The following GABRA6 variants were observed in gnomAD, a reference collection of about 807,000 sequenced individuals.
GABRA6 encodes gamma-aminobutyric acid receptor subunit alpha-6.
A neutral mutation model predicts 47.3 loss-of-function variants in GABRA6; 45 were observed. That is an observed-to-expected ratio of 0.95 (90% confidence interval 0.75 to 1.22). GABRA6 has a LOEUF of 1.22. Among genes scored for constraint, GABRA6 ranks in the 50% most tolerant of loss-of-function variants. GABRA6 has a pLI of 0.00. For missense variants in GABRA6, 583 were observed against 549.3 expected, an observed-to-expected ratio of 1.06 and a Z score of -0.61; for synonymous variants, 219 against 194.7, an observed-to-expected ratio of 1.12 and a Z score of -1.04.
At chr5:161,687,964 A>T (rs1347507936) in intron 3 of GABRA6, among the ~76,000 whole-genome samples, 1 of 152,164 alleles carries the variant, frequency 6.6e-6, no homozygotes, top group African/African-American at 2.4e-5. Flanking sequence ...AATATTCAGA[A>T]TCCTGAATTA....
chr5:161,690,175 A>G (rs1035170058), intron 6 of GABRA6, 26 bp from the exon 7 acceptor site: 1 of 1,607,634 alleles, frequency 6.2e-7, no homozygotes, highest in East Asian at 2.2e-5. Flanking sequence ...AGCAGTAATA[A>G]TACTGATGTA....
intron 8 of GABRA6, among the ~76,000 whole-genome samples, chr5:161,699,252 G>A (rs1295504187): frequency 6.6e-6 from 1 of 152,122 alleles, no homozygotes; most frequent in African/African-American, 2.4e-5. Context: ...CTGAAGGCTG[G>A]CTTCTTTCTA....
chr5:161,700,698 T>C lies in GABRA6; in HGVS notation c.1087-800T>C, dbSNP rs79382082. 2.1e-3 allele frequency among the ~76,000 whole-genome samples: 324 copies of C among 152,312 alleles called. 5 individuals are homozygous for C. In the East Asian group the frequency reaches 0.046, roughly 21 times the overall value. ...TTCAAGACTATAGTTGATTGTGTCATGATTTCAGTGAGACAGGAGGTTTAG... is the reference window on the plus strand; with the variant it reads ...TTCAAGACTATAGTTGATTGTGTCACGATTTCAGTGAGACAGGAGGTTTAG... On this transcript the variant is annotated intron_variant, in intron 8 of 8. Transcript: ENST00000274545.
chr5:161,688,261 A>G (rs1754732422), intron 3 of GABRA6, among the ~76,000 whole-genome samples: 1 of 152,172 alleles, frequency 6.6e-6, no homozygotes, highest in African/African-American at 2.4e-5. Flanking sequence ...CAATACTTTG[A>G]TATAATTACA....
chr5:161,690,408 G>A, intron 7 of GABRA6, 55 bp downstream of exon 7: 1 of 1,548,328 alleles, frequency 6.5e-7, no homozygotes. Context: ...TTCATTGCTT[G>A]TGTATTTTGA....
chr5:161,692,876 C>T (rs1444959280), intron 8 of GABRA6, among the ~76,000 whole-genome samples: 1 of 152,112 alleles, frequency 6.6e-6, no homozygotes, highest in African/African-American at 2.4e-5. Flanking sequence ...CAAATGGTAA[C>T]ATTAATATTT....
At chr5:161,696,914 T>G (rs1288800054) in intron 8 of GABRA6, among the ~76,000 whole-genome samples, 3 of 152,190 alleles carry the variant, frequency 2.0e-5, no homozygotes, top group Non-Finnish European at 4.4e-5. Flanking sequence ...ATCCCTTCAG[T>G]AAGGCAGCCC....
chr5:161,694,870 C>T (rs1399457690), intron 8 of GABRA6, among the ~76,000 whole-genome samples: 2 of 152,100 alleles, frequency 1.3e-5, no homozygotes, highest in African/African-American at 2.4e-5. Context: ...TACATTTGTT[C>T]GTGTCAAACC....
Position 161,701,846 on chromosome 5 carries a change from T to C in GABRA6, c.*73T>C. On this transcript the variant is annotated 3_prime_UTR_variant, in exon 9 of 9. Coordinates refer to ENST00000274545, the MANE Select transcript of GABRA6 (RefSeq NM_000811.3). The stretch of plus-strand genomic sequence containing the variant: ...CCTATGTTTTCTTAAAAAATAGCAT[T>C]GAGACTTGTGTAGATGCTTCTCAGA... The C allele has an allele frequency of 6.8e-7, 1 of 1,468,368 alleles. No homozygotes were observed. The highest frequency in any genetic ancestry group is 9.5e-7 in the Non-Finnish European group (1 of 1,050,922). 91.0% of individuals were successfully genotyped at this position (1,468,368 alleles called of 1,614,324 possible). A position where few individuals can be genotyped will look rare whatever the true frequency, so the allele number is the denominator to read the frequency against.
chr5:161,699,557 CT>C (rs35617127), intron 8 of GABRA6, among the ~76,000 whole-genome samples: 129 of 129,020 alleles, frequency 1.0e-3, no homozygotes, highest in African/African-American at 1.7e-3. Flanking sequence ...CAGCTGTCAT[CT>C]TTTTTTTTTT....
chr5:161,701,603 C>A lies in GABRA6; in HGVS notation c.1192C>A (p.Gln398Lys). ...NKVLTRAPILQSTPVTPPPLS... is the reference protein window; with the variant it reads ...NKVLTRAPILKSTPVTPPPLS... The stretch of plus-strand genomic sequence containing the variant: ...AGTGCTCACGAGAGCGCCCATCTTA[C>A]AATCAACACCTGTCACACCCCCACC... Residue 398 changes from glutamine (Q) to lysine (K), a missense_variant, in exon 9 of 9, where the codon CAA (glutamine) becomes AAA (lysine). By Grantham distance (53) the Gln-to-Lys change is moderately conservative. Coordinates refer to ENST00000274545, the MANE Select transcript of GABRA6 (RefSeq NM_000811.3). 1 of 1,614,134 alleles carries A rather than the reference C, an allele frequency of 6.2e-7. No homozygotes were observed.
chr5:161,695,555 T>C (rs1754872476), intron 8 of GABRA6, among the ~76,000 whole-genome samples: 1 of 152,098 alleles, frequency 6.6e-6, no homozygotes, highest in Non-Finnish European at 1.5e-5. Flanking sequence ...ACTTTGGTCC[T>C]TGATTTGTTT....
chr5:161,695,688 T>C (rs1335833978), intron 8 of GABRA6, among the ~76,000 whole-genome samples: 1 of 152,208 alleles, frequency 6.6e-6, no homozygotes, highest in Non-Finnish European at 1.5e-5. Context: ...ACTCTCAATG[T>C]AGCTTCTCTT....
rs1232965708 is a variant in GABRA6 at position 161,690,301 on chromosome 5, C to A, written c.774C>A (p.Ser258=). Residue 258 remains serine (S), a synonymous_variant, in exon 7 of 9, where the codon TCC becomes TCA. Transcript: ENST00000274545. Reference sequence around the variant, plus strand: ...CTTGCATTATGACAGTCATTCTTTCCCAGGTGTCTTTCTGGATTAATAAGG... The same window carrying A: ...CTTGCATTATGACAGTCATTCTTTCACAGGTGTCTTTCTGGATTAATAAGG... The part of the protein sequence containing the change: ...YTPCIMTVIL[S]QVSFWINKES... 6.2e-7 allele frequency: 1 copy of A among 1,613,492 alleles called. No individual in the cohort carries two copies. Among genetic ancestry groups the A allele is most frequent in the Non-Finnish European group, 8.5e-7 (1 of 1,179,708 alleles).
intron 8 of GABRA6, 22 bp from the exon 9 acceptor site, chr5:161,701,476 A>C (rs1366363037): frequency 1.2e-6 from 2 of 1,612,756 alleles, no homozygotes; most frequent in Non-Finnish European, 1.7e-6. Flanking sequence ...ATTTGGGCTT[A>C]ATATTTGTCT....
rs2113069364 is a variant in GABRA6, at chr5:161,688,979, A to T, written c.256A>T (p.Thr86Ser). Residue 86 changes from threonine (T) to serine (S), a missense_variant, in exon 4 of 9, where the codon ACC becomes TCC. Coordinates refer to ENST00000274545, the MANE Select transcript of GABRA6 (RefSeq NM_000811.3). ...EYTMDVFFRQ[T>S]WTDERLKFGG... ...TACGATGGATGTTTTTTTCCGCCAG[A>T]CCTGGACTGATGAGAGGTTGAAGTT... 6.2e-7 allele frequency: 1 copy of T among 1,613,934 alleles called. No individual in the cohort carries two copies. The highest frequency in any genetic ancestry group is 1.3e-5 in the African/African-American group (1 of 75,010).
chr5:161,686,079 A>G, intron 1 of GABRA6, 52 bp downstream of exon 1: 3 of 1,552,800 alleles, frequency 1.9e-6, no homozygotes, highest in Middle Eastern at 3.4e-4. Context: ...AGGAAAGGAA[A>G]AGTATACATC....
chr5:161,686,418 C>G, intron 2 of GABRA6, 70 bp downstream of exon 2: 1 of 1,161,578 alleles, frequency 8.6e-7, no homozygotes, highest in Non-Finnish European at 1.3e-6. Flanking sequence ...TTTGAAGACC[C>G]AGAAGAGTCA....
chr5:161,690,738 A>G (rs1754775508), intron 7 of GABRA6, among the ~76,000 whole-genome samples: 1 of 152,166 alleles, frequency 6.6e-6, no homozygotes, highest in East Asian at 1.9e-4. Flanking sequence ...ATTAGGTTGA[A>G]CCATATAAAA....
Sources: allele counts gnomAD v4.1 joint callset (sites outside exome capture counted in the v4.1 genomes callset), GRCh38; gene constraint gnomAD v4.1.1; transcripts MANE v1.5; gene names NCBI Gene and HGNC (gene_info 2026-07-23, HGNC 2026-07-21).